Variants in ZNF92 observed in about 807,000 individuals in gnomAD.
ZNF92 encodes epididymis luminal protein 203.
ZNF92 carries 11 observed loss-of-function variants against 12.4 expected under a neutral mutation model. The observed-to-expected ratio is 0.89, with a 90% CI of 0.56 to 1.47. ZNF92 has a LOEUF of 1.47. Among genes scored for constraint, ZNF92 ranks in the 40% most tolerant of loss-of-function variants. ZNF92 has a pLI of 0.00. For missense variants in ZNF92, 622 were observed against 681.0 expected (o/e 0.91, Z 0.96); for synonymous variants, 206 against 228.6 (o/e 0.90, Z 0.89).
At chr7:65,386,290 A>C (rs1376497299) in intron 1 of ZNF92, among the ~76,000 whole-genome samples, 1 of 152,058 alleles carries the variant, frequency 6.6e-6, no homozygotes, top group East Asian at 1.9e-4. Flanking sequence ...AAGTGCTGGG[A>C]TTACAGGCAT....
rs551204254 is a variant in ZNF92, at chr7:65,379,191, A to C, written c.3+5191A>C. On this transcript the variant is annotated intron_variant, in intron 1 of 3. Transcript: ENST00000328747. Reference sequence around the variant, plus strand: ...GATGGACCAATGAGGTTTTTGACTGACATCGGCAGTGAAGACAGTGTTGTG... The same window carrying C: ...GATGGACCAATGAGGTTTTTGACTGCCATCGGCAGTGAAGACAGTGTTGTG... Among the ~76,000 whole-genome samples the C allele has an allele frequency of 5.3e-5, 8 of 152,274 alleles. 1 individual carries two copies. In the South Asian group the frequency reaches 1.7e-3, roughly 32 times the overall value.
At chr7:65,391,220 A>G (rs1215831588) in intron 3 of ZNF92, among the ~76,000 whole-genome samples, 1 of 152,026 alleles carries the variant, frequency 6.6e-6, no homozygotes, top group Non-Finnish European at 1.5e-5. Context: ...TAAAGCTTTC[A>G]TTACAGGTGT....
chr7:65,375,370 G>A (rs1255106220), intron 1 of ZNF92, among the ~76,000 whole-genome samples: 1 of 152,062 alleles, frequency 6.6e-6, no homozygotes, highest in Admixed American at 6.6e-5. Context: ...ATAACCTGAA[G>A]TATGGAATGT....
rs535697638 is a variant in ZNF92 at position 65,399,201 on chromosome 7, C to T, written c.1087C>T (p.His363Tyr). 2.5e-6 allele frequency: 4 copies of T among 1,613,194 alleles called. No homozygotes were observed. The African/African-American group carries it at 5.3e-5, about 22-fold the overall frequency. Residue 363 changes from histidine (H) to tyrosine (Y), a missense_variant, in exon 4 of 4, where the codon CAT becomes TAT. Coordinates refer to ENST00000328747, the MANE Select transcript of ZNF92 (RefSeq NM_152626.4). The part of the protein sequence containing the change: ...FSNLTKHKII[H>Y]TGEKPYKCDE... ...AAACCTTACTAAACATAAGATAATTCATACTGGAGAGAAACCCTACAAATG... is the reference window on the plus strand; with the variant it reads ...AAACCTTACTAAACATAAGATAATTTATACTGGAGAGAAACCCTACAAATG...
chr7:65,384,387 ACCTTGGAGTCTAG>A (rs1304714613), intron 1 of ZNF92, among the ~76,000 whole-genome samples: 1 of 152,088 alleles, frequency 6.6e-6, no homozygotes, highest in Non-Finnish European at 1.5e-5. Flanking sequence ...GTCTGGCTTC[ACCTTGGAGTCTAG>A]CCTTACAGAA....
rs574063548 is a variant in ZNF92 at position 65,374,206 on chromosome 7, C to T, written c.3+206C>T. Among the ~76,000 whole-genome samples the T allele has an allele frequency of 6.6e-4, 100 of 152,226 alleles. 1 individual carries two copies. Among genetic ancestry groups the T allele is most frequent in the African/African-American group, 2.3e-3 (95 of 41,548 alleles). On this transcript the variant is annotated intron_variant, in intron 1 of 3. Transcript: ENST00000328747. ...GCCGGGACCCCGGGCGTCCTGTCTC[C>T]TCCCTGCGCAGTGACTGTGCTTTGG...
At chr7:65,388,118 A>AT in intron 2 of ZNF92, 90 bp downstream of exon 2, 3 of 1,405,038 alleles carry the variant, frequency 2.1e-6, no homozygotes, top group Non-Finnish European at 2.9e-6. Flanking sequence ...TATGCTTTGC[A>AT]TAAATGAGTT....
chr7:65,397,680 G>T (rs796224937), intron 3 of ZNF92, among the ~76,000 whole-genome samples: 1 of 136,796 alleles, frequency 7.3e-6, no homozygotes, highest in Non-Finnish European at 1.6e-5. Context: ...TAGAGATTCC[G>T]GGAGTCTCTC....
chr7:65,397,762 T>C (rs1793879990), intron 3 of ZNF92, among the ~76,000 whole-genome samples: 1 of 152,150 alleles, frequency 6.6e-6, no homozygotes, highest in South Asian at 2.1e-4. Context: ...TCATTTGTGT[T>C]TTTTGTTAAG....
At chr7:65,375,835 TCAAA>T (rs1191358926) in intron 1 of ZNF92, among the ~76,000 whole-genome samples, 5 of 151,756 alleles carry the variant, frequency 3.3e-5, no homozygotes, top group South Asian at 4.2e-4. Flanking sequence ...AGACTCCGTC[TCAAA>T]CAAACAAACA....
At chr7:65,383,837 T>A (rs1793490743) in intron 1 of ZNF92, among the ~76,000 whole-genome samples, 1 of 152,152 alleles carries the variant, frequency 6.6e-6, no homozygotes, top group Non-Finnish European at 1.5e-5. Flanking sequence ...GGCTTACTAC[T>A]GGGCCATCAG....
At position 65,387,622 on chromosome 7, in the gene ZNF92, G is replaced by A. The variant is rs148573016; in HGVS notation, c.4-280G>A. On this transcript the variant is annotated intron_variant, in intron 1 of 3. Transcript: ENST00000328747. ...GAAACATATACACTCAGAAATGTACGTTTGTGTTCATGCCCTTAATTTTAT... is the reference window on the plus strand; with the variant it reads ...GAAACATATACACTCAGAAATGTACATTTGTGTTCATGCCCTTAATTTTAT... Among the ~76,000 whole-genome samples the A allele has an allele frequency of 2.4e-3, 363 of 152,180 alleles. 3 individuals carry two copies. Among genetic ancestry groups the A allele is most frequent in the African/African-American group, 8.2e-3 (339 of 41,516 alleles).
chr7:65,393,516 G>C (rs1284814215), intron 3 of ZNF92, among the ~76,000 whole-genome samples: 1 of 152,090 alleles, frequency 6.6e-6, no homozygotes, highest in Non-Finnish European at 1.5e-5. Context: ...TTTGGATATA[G>C]ATTCATAAAT....
chr7:65,381,097 T>C (rs1034110841), intron 1 of ZNF92, among the ~76,000 whole-genome samples: 4 of 152,054 alleles, frequency 2.6e-5, no homozygotes, highest in Non-Finnish European at 4.4e-5. Flanking sequence ...CACTGCAACC[T>C]CCATCTCCTG....
intron 3 of ZNF92, 36 bp from the exon 4 acceptor site, chr7:65,398,305 G>A (rs764938104): frequency 2.1e-6 from 3 of 1,459,816 alleles, no homozygotes; most frequent in African/African-American, 1.4e-5. Flanking sequence ...TCTGAGTCTA[G>A]TAAGTGAAGT....
chr7:65,398,484 A>G lies in ZNF92; in HGVS notation c.370A>G (p.Lys124Glu), dbSNP rs115440529. 2.7e-5 allele frequency: 44 copies of G among 1,613,016 alleles called. No individual in the cohort carries two copies. The African/African-American group carries it at 4.9e-4, about 18-fold the overall frequency. Residue 124 changes from lysine (K) to glutamate (E), a missense_variant, in exon 4 of 4, where the codon AAG (lysine) becomes GAG (glutamate). Transcript: ENST00000328747. The stretch of plus-strand genomic sequence containing the variant: ...AGACCATAAAAGTGTGGATGCATGT[A>G]AGGTGTACAAAGGAGGTTATAATGG... ...RKDHKSVDAC[K>E]VYKGGYNGLN...
At position 65,400,633 on chromosome 7, in the gene ZNF92, A is replaced by G. The variant is rs761715947; in HGVS notation, c.*758A>G. ...CAAAACTAAAATTGTTAGGTAAGTT[A>G]TTTATATATAACTTTAAAAGAAGTA... On this transcript the variant is annotated 3_prime_UTR_variant, in exon 4 of 4. Coordinates refer to ENST00000328747, the MANE Select transcript of ZNF92 (RefSeq NM_152626.4). The G allele has an allele frequency of 4.6e-5, 7 of 151,996 alleles. No homozygotes were observed. The highest frequency in any genetic ancestry group is 1.0e-4 in the Non-Finnish European group (7 of 67,902). 9.4% of individuals were successfully genotyped at this position (151,996 alleles called of 1,614,324 possible).
In ZNF92 at chr7:65,382,186, C is replaced by T. The variant is rs549587001; in HGVS notation, c.4-5716C>T. Among the ~76,000 whole-genome samples the T allele has an allele frequency of 5.3e-5, 8 of 152,092 alleles. No homozygotes were observed. The South Asian group carries it at 1.7e-3, about 32-fold the overall frequency. On this transcript the variant is annotated intron_variant, in intron 1 of 3. Coordinates refer to ENST00000328747, the MANE Select transcript of ZNF92 (RefSeq NM_152626.4). ...TAACATGGTACTGTAAATTCTTCTACTTATGGACTAATTATTGTGACCGTC... is the reference window on the plus strand; with the variant it reads ...TAACATGGTACTGTAAATTCTTCTATTTATGGACTAATTATTGTGACCGTC...
At chr7:65,378,037 C>T (rs536256488) in intron 1 of ZNF92, among the ~76,000 whole-genome samples, 6 of 152,034 alleles carry the variant, frequency 3.9e-5, no homozygotes, top group African/African-American at 9.6e-5. Context: ...AGAAGGTAGG[C>T]GGGGAACTGC....
Sources: gnomAD v4.1 joint callset for allele counts (sites outside exome capture counted in the v4.1 genomes callset) on GRCh38, gnomAD v4.1.1 for gene constraint, MANE v1.5 for transcripts, NCBI Gene and HGNC (gene_info 2026-07-23, HGNC 2026-07-21) for gene names.